AADAT: variants seen among roughly 807,000 people sequenced by gnomAD.
AADAT encodes the protein kynurenine/alpha-aminoadipate aminotransferase, mitochondrial.
A neutral mutation model predicts 56.2 loss-of-function variants in AADAT; 25 were observed. That is an observed-to-expected ratio of 0.44 (90% confidence interval 0.32 to 0.62). The LOEUF is 0.62. Ranked by LOEUF, AADAT falls within the 20% of genes least tolerant of loss-of-function variation. The probability of loss-of-function intolerance (pLI) is 0.04; values close to 1 mark genes in which losing one functional copy is unlikely to be tolerated. For missense variants in AADAT, 387 were observed against 510.5 expected, an observed-to-expected ratio of 0.76 and a Z score of 2.33; for synonymous variants, 173 against 164.7, an observed-to-expected ratio of 1.05 and a Z score of -0.39.
intron 8 of AADAT, among the ~76,000 whole-genome samples, chr4:170,067,721 C>T (rs760494932): frequency 8.5e-5 from 13 of 152,182 alleles, no homozygotes; most frequent in Non-Finnish European, 1.5e-4. Context: ...AGCCTGAAAT[C>T]AGTCAGGCTA....
chr4:170,070,852 A>G (rs1051515903), intron 5 of AADAT, among the ~76,000 whole-genome samples, 200 bp from the exon 6 acceptor site: 3 of 152,208 alleles, frequency 2.0e-5, no homozygotes, highest in African/African-American at 7.2e-5. Context: ...TTCCAGGGGG[A>G]AAGACAGAAT....
At chr4:170,076,821 TC>T (rs148350379) in intron 4 of AADAT, among the ~76,000 whole-genome samples, 4,977 of 152,290 alleles carry the variant, frequency 0.033, 271 homozygotes, top group African/African-American at 0.11. Context: ...TGCCCTTATG[TC>T]CTAAGTGTTT....
chr4:170,061,358 C>A (rs1731178454), intron 12 of AADAT, among the ~76,000 whole-genome samples: 1 of 152,078 alleles, frequency 6.6e-6, no homozygotes, highest in African/African-American at 2.4e-5. Flanking sequence ...CATGAGAAAG[C>A]AAGTAAATAA....
chr4:170,064,600 CATTATGAGT>C (rs1731355868), intron 11 of AADAT, 110 bp downstream of exon 11: 1 of 743,652 alleles, frequency 1.3e-6, no homozygotes, highest in African/African-American at 1.8e-5. Flanking sequence ...AATATTAGAA[CATTATGAGT>C]TGGCTGGTGG....
chr4:170,063,354 A>G (rs1409213267), intron 11 of AADAT, among the ~76,000 whole-genome samples: 1 of 152,240 alleles, frequency 6.6e-6, no homozygotes, highest in East Asian at 1.9e-4. Flanking sequence ...GGATAAATGA[A>G]GAGGACTGAA....
At chr4:170,086,492 A>G (rs977699710) in intron 3 of AADAT, among the ~76,000 whole-genome samples, 7 of 152,102 alleles carry the variant, frequency 4.6e-5, no homozygotes, top group South Asian at 2.1e-4. Flanking sequence ...AGATACAAGC[A>G]GTGGCAAGGA....
chr4:170,064,450 G>A (rs1280942167), intron 11 of AADAT, among the ~76,000 whole-genome samples: 1 of 152,206 alleles, frequency 6.6e-6, no homozygotes, highest in African/African-American at 2.4e-5. Flanking sequence ...AACCCAACAG[G>A]TGTGGCTCCG....
chr4:170,085,153 A>G (rs912992449), intron 3 of AADAT, among the ~76,000 whole-genome samples: 3 of 152,266 alleles, frequency 2.0e-5, no homozygotes, highest in Non-Finnish European at 4.4e-5. Context: ...CATATAAAAT[A>G]TAAAATATGT....
chr4:170,073,515 T>A (rs190606473), intron 4 of AADAT, among the ~76,000 whole-genome samples, 170 bp from the exon 5 acceptor site: 67 of 152,068 alleles, frequency 4.4e-4, no homozygotes, highest in South Asian at 1.0e-3. Context: ...TTATTTATTT[T>A]TTTTTTTGAG....
At chr4:170,087,687 T>C (rs1173147781) in intron 2 of AADAT, among the ~76,000 whole-genome samples, 1 of 152,090 alleles carries the variant, frequency 6.6e-6, no homozygotes, top group Non-Finnish European at 1.5e-5. Context: ...CATATATACA[T>C]GAATAACATT....
chr4:170,082,398 TG>T (rs1732361586), intron 3 of AADAT, among the ~76,000 whole-genome samples: 1 of 152,120 alleles, frequency 6.6e-6, no homozygotes, highest in South Asian at 2.1e-4. Context: ...GTAAGCCTCA[TG>T]GTAACCACAG....
At chr4:170,084,854 A>G (rs1732478575) in intron 3 of AADAT, among the ~76,000 whole-genome samples, 1 of 152,236 alleles carries the variant, frequency 6.6e-6, no homozygotes, top group Non-Finnish European at 1.5e-5. Context: ...GTACATATCA[A>G]CAGATCAAAT....
chr4:170,078,705 A>G (rs908816827), intron 3 of AADAT, 122 bp from the exon 4 acceptor site: 5 of 559,712 alleles, frequency 8.9e-6, no homozygotes, highest in African/African-American at 1.9e-5. Context: ...CAAATTGTTT[A>G]TAAGGGGCCA....
At position 170,073,279 on chromosome 4, in the gene AADAT, G is replaced by A; in HGVS notation, c.511C>T (p.Leu171=). 1.2e-6 allele frequency: 2 copies of A among 1,614,062 alleles called. No individual in the cohort carries two copies. Among genetic ancestry groups the A allele is most frequent in the South Asian group, 1.1e-5 (1 of 91,080 alleles). The part of the protein sequence containing the change: ...SDESGIVPDS[L]RDILSRWKPE... ...TTCCATCTGGAAAGTATGTCTCTTAGGGAATCTGGAACAATCCCACTTTCA... is the reference window on the plus strand; with the variant it reads ...TTCCATCTGGAAAGTATGTCTCTTAAGGAATCTGGAACAATCCCACTTTCA... The change falls in exon 5 of 13, where the codon CTA becomes TTA. Residue 171 remains leucine, a synonymous_variant. Transcript: ENST00000337664.
chr4:170,064,624 CA>C, intron 11 of AADAT, 94 bp downstream of exon 11: 5 of 933,510 alleles, frequency 5.4e-6, no homozygotes. Context: ...TGGTGGGCAA[CA>C]AGAAACATTT....
In AADAT at chr4:170,073,259, T is replaced by C; in HGVS notation, c.531A>G (p.Arg177=). Residue 177 remains arginine (R), a synonymous_variant, in exon 5 of 13, where the codon AGA becomes AGG. Coordinates refer to ENST00000337664, the MANE Select transcript of AADAT (RefSeq NM_016228.4). ...GATTCTTTGCATCTTCTGGTTTCCA[T>C]CTGGAAAGTATGTCTCTTAGGGAAT... ...VPDSLRDILS[R]WKPEDAKNPQ... 1 of 1,614,146 alleles carries C rather than the reference T, an allele frequency of 6.2e-7. No homozygotes were observed. The highest frequency in any genetic ancestry group is 8.5e-7 in the Non-Finnish European group (1 of 1,180,042).
At chr4:170,081,757 C>A (rs1327331964) in intron 3 of AADAT, among the ~76,000 whole-genome samples, 1 of 152,112 alleles carries the variant, frequency 6.6e-6, no homozygotes, top group Admixed American at 6.5e-5. Context: ...CCAGGCTGGG[C>A]TCGAACTCCT....
At chr4:170,066,349 G>T in intron 10 of AADAT, 65 bp downstream of exon 10, 1 of 1,326,560 alleles carries the variant, frequency 7.5e-7, no homozygotes, top group Non-Finnish European at 1.1e-6. Context: ...GTAATATTCA[G>T]TGTTTATCCC....
intron 3 of AADAT, among the ~76,000 whole-genome samples, chr4:170,084,588 G>A (rs1732463784): frequency 1.3e-5 from 2 of 152,082 alleles, no homozygotes; most frequent in African/African-American, 4.8e-5. Flanking sequence ...AACTTGTGAT[G>A]TTTCACAATC....
Sources: allele counts gnomAD v4.1 joint callset (sites outside exome capture counted in the v4.1 genomes callset), GRCh38; gene constraint gnomAD v4.1.1; transcripts MANE v1.5; gene names NCBI Gene and HGNC (gene_info 2026-07-23, HGNC 2026-07-21).